Variants in PHF21A observed in about 807,000 individuals in gnomAD.
PHF21A encodes BHC80a.
In PHF21A, 11 loss-of-function variants were observed where a neutral mutation model predicts 82.5. The observed-to-expected ratio is 0.13, with a 90% CI of 0.08 to 0.22. The LOEUF (loss-of-function observed/expected upper bound fraction) is 0.22. Among genes scored for constraint, PHF21A ranks in the 10% least tolerant of loss-of-function variants. The pLI is 1.00. For missense variants in PHF21A, 579 were observed against 837.8 expected, an observed-to-expected ratio of 0.69 and a Z score of 3.81; for synonymous variants, 297 against 302.8, an observed-to-expected ratio of 0.98 and a Z score of 0.20.
chr11:46,045,141 T>C (rs545027353), intron 6 of PHF21A, among the ~76,000 whole-genome samples: 1 of 152,304 alleles, frequency 6.6e-6, no homozygotes, highest in East Asian at 1.9e-4. Flanking sequence ...TTAGAATGCC[T>C]CCATTCTTTC....
At chr11:46,073,003 G>C (rs2096672252) in intron 6 of PHF21A, among the ~76,000 whole-genome samples, 1 of 152,112 alleles carries the variant, frequency 6.6e-6, no homozygotes. Flanking sequence ...TGTGGGGAGT[G>C]AGAATGAGAG....
At chr11:45,988,691 C>G (rs2094576600) in intron 6 of PHF21A, among the ~76,000 whole-genome samples, 1 of 152,042 alleles carries the variant, frequency 6.6e-6, no homozygotes, top group South Asian at 2.1e-4. Context: ...GAGTTCGAGA[C>G]CAGCCTGGCC....
At chr11:46,109,980 CAAAA>C (rs771228626) in intron 1 of PHF21A, among the ~76,000 whole-genome samples, 2 of 73,370 alleles carry the variant, frequency 2.7e-5, no homozygotes, top group Non-Finnish European at 5.6e-5. Flanking sequence ...GACTCCGTGT[CAAAA>C]AAAAAAAAAA....
At chr11:46,042,178 T>G (rs1444546203) in intron 6 of PHF21A, among the ~76,000 whole-genome samples, 3 of 152,156 alleles carry the variant, frequency 2.0e-5, no homozygotes, top group African/African-American at 7.2e-5. Flanking sequence ...TAATAAATAT[T>G]TTTTATAAAA....
chr11:45,947,007 A>T (rs1475548631), intron 14 of PHF21A, among the ~76,000 whole-genome samples: 1 of 152,228 alleles, frequency 6.6e-6, no homozygotes, highest in East Asian at 1.9e-4. Flanking sequence ...GTTGACTGGC[A>T]GCTGTCTCCC....
chr11:45,985,758 C>T (rs2094469543), intron 6 of PHF21A, among the ~76,000 whole-genome samples: 1 of 152,088 alleles, frequency 6.6e-6, no homozygotes, highest in Admixed American at 6.5e-5. Context: ...TAAAATACCA[C>T]CTGTTTGACA....
intron 6 of PHF21A, among the ~76,000 whole-genome samples, chr11:45,991,866 A>C (rs917826962): frequency 5.9e-5 from 9 of 152,228 alleles, no homozygotes; most frequent in African/African-American, 2.2e-4. Context: ...GATGATCCTG[A>C]CACACCCAAA....
At chr11:46,036,095 T>TA (rs1391110034) in intron 6 of PHF21A, among the ~76,000 whole-genome samples, 5 of 152,298 alleles carry the variant, frequency 3.3e-5, no homozygotes, top group African/African-American at 1.2e-4. Flanking sequence ...AAGATAGATT[T>TA]AAAAAGATAT....
chr11:46,022,253 G>C (rs1292849868), intron 6 of PHF21A, among the ~76,000 whole-genome samples: 2 of 152,078 alleles, frequency 1.3e-5, no homozygotes, highest in African/African-American at 4.8e-5. Context: ...ATGAGTTCAA[G>C]ACCAGTGTGG....
chr11:45,955,781 C>A (rs1280926432), intron 10 of PHF21A, among the ~76,000 whole-genome samples: 1 of 152,198 alleles, frequency 6.6e-6, no homozygotes, highest in Non-Finnish European at 1.5e-5. Flanking sequence ...GGGAAGCCAG[C>A]TGCCACGTTG....
intron 1 of PHF21A, among the ~76,000 whole-genome samples, chr11:46,110,584 G>A (rs1170138370): frequency 2.0e-5 from 3 of 152,046 alleles, no homozygotes; most frequent in African/African-American, 7.3e-5. Context: ...TAACACCAGG[G>A]ACTATTTTTC....
At chr11:45,967,077 AC>A (rs763461381) in intron 9 of PHF21A, among the ~76,000 whole-genome samples, 1 of 152,080 alleles carries the variant, frequency 6.6e-6, no homozygotes, top group Non-Finnish European at 1.5e-5. Flanking sequence ...GATAAAAATG[AC>A]CCTTTCCTGG....
At chr11:46,098,649 T>C (rs1275056814) in intron 1 of PHF21A, among the ~76,000 whole-genome samples, 1 of 152,178 alleles carries the variant, frequency 6.6e-6, no homozygotes, top group Non-Finnish European at 1.5e-5. Context: ...AGTAAATCAC[T>C]CCTTATCCCA....
chr11:45,939,776 A>G (rs2089979515), intron 15 of PHF21A, among the ~76,000 whole-genome samples: 1 of 150,244 alleles, frequency 6.7e-6, no homozygotes, highest in Non-Finnish European at 1.5e-5. Flanking sequence ...TAGCCCAAAA[A>G]AAAAAAAAAA....
intron 6 of PHF21A, among the ~76,000 whole-genome samples, chr11:46,040,617 T>C (rs2096114741): frequency 6.6e-6 from 1 of 151,996 alleles, no homozygotes; most frequent in South Asian, 2.1e-4. Flanking sequence ...AAAATAACAG[T>C]ATGTGCTGAA....
chr11:46,015,471 T>C (rs2095498302), intron 6 of PHF21A, among the ~76,000 whole-genome samples: 1 of 152,122 alleles, frequency 6.6e-6, no homozygotes, highest in Non-Finnish European at 1.5e-5. Context: ...TCTTATAGTT[T>C]GAGATTTTAA....
At chr11:45,941,962 C>T (rs895971058) in intron 15 of PHF21A, among the ~76,000 whole-genome samples, 1 of 152,084 alleles carries the variant, frequency 6.6e-6, no homozygotes, top group East Asian at 1.9e-4. Flanking sequence ...TGTATTATAC[C>T]AAGTCCCTCA....
chr11:45,934,644 G>A (rs905926616), intron 18 of PHF21A: 1 of 253,310 alleles, frequency 3.9e-6, no homozygotes, highest in African/African-American at 2.3e-5. Flanking sequence ...TTCAGGACTG[G>A]ACTGAGCTCT....
chr11:45,987,398 A>G (rs986832461), intron 6 of PHF21A, among the ~76,000 whole-genome samples: 7 of 151,864 alleles, frequency 4.6e-5, no homozygotes, highest in African/African-American at 1.7e-4. Flanking sequence ...GTGGTGGCTC[A>G]CACCTGTAAT....
Sources: gnomAD v4.1 joint callset for allele counts (sites outside exome capture counted in the v4.1 genomes callset) on GRCh38, gnomAD v4.1.1 for gene constraint, MANE v1.5 for transcripts, NCBI Gene and HGNC (gene_info 2026-07-23, HGNC 2026-07-21) for gene names.